Variants in RHOBTB2 observed in about 807,000 individuals in gnomAD.
The protein encoded by RHOBTB2 is Rho related BTB domain containing 2.
RHOBTB2 carries 39 observed loss-of-function variants against 66.5 expected under a neutral mutation model. That is an observed-to-expected ratio of 0.59 (90% CI 0.45 to 0.77). The LOEUF is 0.77. Ranked by LOEUF, RHOBTB2 falls within the 30% of genes least tolerant of loss-of-function variation. The pLI, the probability that RHOBTB2 is intolerant of heterozygous loss-of-function variation, is 0.00. For synonymous variants in RHOBTB2, 390 were observed against 395.0 expected, an observed-to-expected ratio of 0.99 and a Z score of 0.15; for missense variants, 755 against 999.1, an observed-to-expected ratio of 0.76 and a Z score of 3.29.
chr8:22,992,173 G>C (rs1810442282), exon 2 of RHOBTB2: 1 of 152,194 alleles, frequency 6.6e-6, no homozygotes. Flanking sequence ...AACTACCAAA[G>C]GAGAGAGGTG....
chr8:22,953,969 T>A, the RHOBTB2 span, among the ~76,000 whole-genome samples: 4 of 152,254 alleles, frequency 2.6e-5, no homozygotes, highest in Admixed American at 6.5e-5. Context: ...AATCGTATCC[T>A]ATTGTCATGT....
In RHOBTB2 at chr8:23,010,597, C is replaced by A; in HGVS notation, c.1680C>A (p.Thr560=). The A allele has an allele frequency of 6.2e-7, 1 of 1,614,124 alleles. No individual in the cohort carries two copies. The change falls in exon 7 of 10, where the codon ACC becomes ACA. Residue 560 remains threonine, a synonymous_variant. Coordinates refer to ENST00000251822, the MANE Select transcript of RHOBTB2 (RefSeq NM_015178.3). The part of the protein sequence containing the change: ...CMRAVLEYLY[T]GMFTSSPDLD... ...GGGCCGTGCTGGAATACCTCTACAC[C>A]GGCATGTTCACCTCCAGCCCCGACC... is the stretch of plus-strand genomic sequence containing the variant.
the RHOBTB2 span, among the ~76,000 whole-genome samples, chr8:22,960,195 A>AAAAAAC: frequency 6.8e-6 from 1 of 146,718 alleles, no homozygotes; most frequent in African/African-American, 2.6e-5. Context: ...AAAAAAAACA[A>AAAAAAC]AAAAACAAGA....
chr8:23,016,957 C>T (rs1041872456), intron 9 of RHOBTB2, among the ~76,000 whole-genome samples: 2 of 152,354 alleles, frequency 1.3e-5, no homozygotes, highest in South Asian at 4.1e-4. Context: ...TTCGCTTACC[C>T]CTTCTCCCTT....
rs1202436743 is a variant in RHOBTB2 at position 23,006,912 on chromosome 8, A to G, written c.667A>G (p.Asn223Asp). 1 of 1,613,838 alleles carries G rather than the reference A, an allele frequency of 6.2e-7. No individual in the cohort carries two copies. Among genetic ancestry groups the G allele is most frequent in the Non-Finnish European group, 8.5e-7 (1 of 1,179,974 alleles). The change falls in exon 5 of 10, where the codon AAT becomes GAT. Residue 223 changes from asparagine to aspartate, a missense_variant. Physicochemically the swap from Asn to Asp is conservative, Grantham distance 23 (BLOSUM62 1). Transcript: ENST00000251822. This position sits in a 1 kb window ranked among gnomAD's most constrained non-coding sequence, Gnocchi z 6.1. Reference protein sequence around the residue: ...HLQFWKSHLRNVQRPLLQAPF... With the variant: ...HLQFWKSHLRDVQRPLLQAPF... ...GCAGTTCTGGAAGTCCCACCTCCGC[A>G]ATGTGCAGCGGCCTCTGCTGCAGGC...
At chr8:23,003,640 G>A (rs1469015751) in intron 1 of RHOBTB2, among the ~76,000 whole-genome samples, 1 of 152,228 alleles carries the variant, frequency 6.6e-6, no homozygotes, top group African/African-American at 2.4e-5. Context: ...GCCACTGACT[G>A]TATCATCATA....
intron 9 of RHOBTB2, among the ~76,000 whole-genome samples, chr8:23,016,121 G>A (rs778118762): frequency 6.6e-6 from 1 of 152,184 alleles, no homozygotes; most frequent in Non-Finnish European, 1.5e-5. Flanking sequence ...TACAACCCAG[G>A]AATGGGTACA....
At chr8:23,016,036 A>T (rs1447592400) in intron 9 of RHOBTB2, among the ~76,000 whole-genome samples, 1 of 152,222 alleles carries the variant, frequency 6.6e-6, no homozygotes, top group Non-Finnish European at 1.5e-5. Context: ...AATACATTTC[A>T]TCTTGTGACC....
chr8:22,964,538 G>A, the RHOBTB2 span, among the ~76,000 whole-genome samples: 2 of 152,014 alleles, frequency 1.3e-5, no homozygotes, highest in Non-Finnish European at 1.5e-5. Flanking sequence ...TCCTATACCA[G>A]TCCTCCTGCT....
At position 23,006,983 on chromosome 8, in the gene RHOBTB2, C is replaced by T. The variant is rs139893760; in HGVS notation, c.738C>T (p.Pro246=). Residue 246 remains proline (P), a synonymous_variant, in exon 5 of 10, where the codon CCC becomes CCT. Coordinates refer to ENST00000251822, the MANE Select transcript of RHOBTB2 (RefSeq NM_015178.3). This position sits in a 1 kb window ranked among gnomAD's most constrained non-coding sequence, Gnocchi z 6.1. ...PKPPPPIIVV[P]DPPSSSEECP... ...CACCGCCCCCGATCATCGTGGTGCC[C>T]GACCCTCCCTCCAGCAGCGAGGAGT... 4.4e-4 allele frequency: 704 copies of T among 1,610,540 alleles called. No individual in the cohort carries two copies. Among genetic ancestry groups the T allele is most frequent in the Non-Finnish European group, 5.7e-4 (671 of 1,179,878 alleles).
rs558155661 is a variant in RHOBTB2, at chr8:22,990,623, G to A, written c.-136-1445G>A. ...ACCTCCCAGAAGGAGGAGGAAGAGG[G>A]TGGGTTGGGAGGAAGATCATGTGAC... On this transcript the variant is annotated intron_variant, in intron 1 of 11. Coordinates refer to the RHOBTB2 transcript ENST00000519685. 3.9e-5 allele frequency among the ~76,000 whole-genome samples: 6 copies of A among 152,334 alleles called. No homozygotes were observed. The South Asian group carries it at 1.2e-3, about 32-fold the overall frequency.
At chr8:22,979,905 G>A in the RHOBTB2 span, among the ~76,000 whole-genome samples, 1 of 151,452 alleles carries the variant, frequency 6.6e-6, no homozygotes, top group African/African-American at 2.4e-5. Flanking sequence ...CTATAGGCGC[G>A]TGCCATCACG....
the RHOBTB2 span, among the ~76,000 whole-genome samples, chr8:22,960,810 A>C: frequency 6.6e-6 from 1 of 152,194 alleles, no homozygotes; most frequent in Non-Finnish European, 1.5e-5. Flanking sequence ...TGGGACTCAC[A>C]ATCACTTTCT....
upstream of RHOBTB2, chr8:22,995,839 G>C (rs764194797): frequency 1.5e-5 from 23 of 1,551,378 alleles, no homozygotes; most frequent in African/African-American, 2.9e-4. Flanking sequence ...GGTGGGCTCC[G>C]CAGAGGCTGT....
chr8:22,968,686 A>G, the RHOBTB2 span, among the ~76,000 whole-genome samples: 2 of 152,142 alleles, frequency 1.3e-5, no homozygotes, highest in Admixed American at 6.5e-5. Flanking sequence ...AATGAAACAA[A>G]ATTGAAAGTC....
At chr8:22,977,264 G>A in the RHOBTB2 span, among the ~76,000 whole-genome samples, 1 of 152,250 alleles carries the variant, frequency 6.6e-6, no homozygotes, top group African/African-American at 2.4e-5. Flanking sequence ...CACTTTCCTG[G>A]AACACAGTGG....
In RHOBTB2 at chr8:23,010,656, G is replaced by A. The variant is rs757818105; in HGVS notation, c.1739G>A (p.Arg580His). The A allele has an allele frequency of 3.7e-6, 6 of 1,614,108 alleles. No homozygotes were observed. The highest frequency in any genetic ancestry group is 1.7e-4 in the Middle Eastern group (1 of 6,060). Reference sequence around the variant, plus strand: ...ATGAAGCTCATCATTCTAGCCAACCGCCTCTGCCTGCCACACCTGGTTGCC... The same window carrying A: ...ATGAAGCTCATCATTCTAGCCAACCACCTCTGCCTGCCACACCTGGTTGCC... ...DDMKLIILANRLCLPHLVALT... is the reference protein window; with the variant it reads ...DDMKLIILANHLCLPHLVALT... The change falls in exon 7 of 10, where the codon CGC becomes CAC. Residue 580 changes from arginine to histidine, a missense_variant. Physicochemically the swap from Arg to His is conservative, Grantham distance 29. Transcript: ENST00000251822.
At chr8:23,003,729 G>A (rs2430809) in intron 1 of RHOBTB2, among the ~76,000 whole-genome samples, 124,391 of 152,062 alleles carry the variant, frequency 0.82, 51,120 homozygotes, top group Non-Finnish European at 0.84. Context: ...GACAGACCCC[G>A]AATAGAGAAA....
At chr8:22,999,381 C>T (rs1810683579), upstream of RHOBTB2, among the ~76,000 whole-genome samples, 1 of 152,128 alleles carries the variant, frequency 6.6e-6, no homozygotes, top group Non-Finnish European at 1.5e-5. Context: ...GACCCGCGAG[C>T]CGAGACCCTC....
Sources: allele counts gnomAD v4.1 joint callset (sites outside exome capture counted in the v4.1 genomes callset), GRCh38; gene constraint gnomAD v4.1.1; non-coding constraint Gnocchi (gnomAD v3.1); transcripts MANE v1.5; gene names NCBI Gene and HGNC (gene_info 2026-07-23, HGNC 2026-07-21).